Variants in CD72 observed in about 807,000 individuals in gnomAD.
CD72 encodes B-cell differentiation antigen CD72.
Under a neutral mutation model 50.7 loss-of-function variants are expected in CD72, and 28 were observed. The ratio of observed to expected loss-of-function variants is 0.55; its 90% CI spans 0.41 to 0.76. The LOEUF (loss-of-function observed/expected upper bound fraction) is 0.76, where lower values mean the gene tolerates loss of function less well. Ranked by LOEUF, CD72 falls within the 30% of genes least tolerant of loss-of-function variation. The pLI is 0.00. For missense variants in CD72, 403 were observed against 420.6 expected (o/e 0.96, Z 0.37); for synonymous variants, 176 against 171.2 (o/e 1.03, Z -0.22).
intron 6 of CD72, among the ~76,000 whole-genome samples, chr9:35,612,445 C>T (rs1363001907): frequency 2.6e-5 from 4 of 152,040 alleles, no homozygotes; most frequent in Non-Finnish European, 5.9e-5. Context: ...ATTAGCTGGG[C>T]GTGGTGGCAT....
At chr9:35,611,134 C>T (rs958401350) in intron 7 of CD72, among the ~76,000 whole-genome samples, 3 of 152,070 alleles carry the variant, frequency 2.0e-5, no homozygotes, top group Non-Finnish European at 4.4e-5. Context: ...GCCTGTAGTC[C>T]CAGCTGCTGG....
intron 1 of CD72, among the ~76,000 whole-genome samples, chr9:35,638,781 C>A (rs10814261): frequency 0.53 from 79,205 of 150,388 alleles, 21,514 homozygotes; most frequent in Non-Finnish European, 0.6. Context: ...CAGAGCAGTT[C>A]CCCGAGAGGA....
intron 1 of CD72, among the ~76,000 whole-genome samples, chr9:35,633,418 A>G (rs1239637250): frequency 1.3e-5 from 2 of 152,042 alleles, no homozygotes; most frequent in African/African-American, 4.8e-5. Context: ...TGACAGTATA[A>G]TATATGATAC....
At chr9:35,630,350 T>G (rs1823234131) in intron 1 of CD72, among the ~76,000 whole-genome samples, 1 of 152,198 alleles carries the variant, frequency 6.6e-6, no homozygotes, top group Admixed American at 6.5e-5. Flanking sequence ...TAAAGTGAAT[T>G]TCTCTATTTT....
At chr9:35,614,487 G>A (rs1263497381) in intron 5 of CD72, among the ~76,000 whole-genome samples, 1 of 152,156 alleles carries the variant, frequency 6.6e-6, no homozygotes, top group Non-Finnish European at 1.5e-5. Flanking sequence ...TGAAAGAGTG[G>A]AAGATGAGGA....
intron 1 of CD72, among the ~76,000 whole-genome samples, chr9:35,638,977 G>A (rs939385113): frequency 6.6e-6 from 1 of 151,718 alleles, no homozygotes; most frequent in Non-Finnish European, 1.5e-5. Flanking sequence ...GCAACCCTTA[G>A]ACGCTTTACC....
chr9:35,611,515 A>C lies in CD72; in HGVS notation c.950+289T>G, dbSNP rs145509973. Among the ~76,000 whole-genome samples, 6 of 152,294 alleles carry C rather than the reference A, an allele frequency of 3.9e-5. No individual in the cohort carries two copies. In the East Asian group the frequency reaches 1.2e-3, roughly 29 times the overall value. On this transcript the variant is annotated intron_variant, in intron 7 of 8. Coordinates refer to ENST00000259633, the MANE Select transcript of CD72 (RefSeq NM_001782.3). The stretch of plus-strand genomic sequence containing the variant: ...GAAACGCTGCTGTCATCAGCTGTGG[A>C]GCCTTAACTAAATCCTTAATGTCTC...
At chr9:35,621,432 A>C (rs564161176), upstream of CD72, among the ~76,000 whole-genome samples, 11 of 152,088 alleles carry the variant, frequency 7.2e-5, no homozygotes, top group South Asian at 2.3e-3. Context: ...ATCTCCTAAG[A>C]CTCTGAAAGT....
intron 1 of CD72, among the ~76,000 whole-genome samples, chr9:35,626,405 GT>G (rs1285994148): frequency 6.6e-6 from 1 of 152,126 alleles, no homozygotes; most frequent in African/African-American, 2.4e-5. Flanking sequence ...AAAGAAAGTG[GT>G]TTCTTAAGAT....
chr9:35,618,826 C>G (rs1321081935), upstream of CD72: 12 of 1,248,824 alleles, frequency 9.6e-6, no homozygotes, highest in Middle Eastern at 4.3e-4. Context: ...CGCTTCTCAT[C>G]ATCCTGGGGG....
In CD72 at chr9:35,611,230, G is replaced by A. The variant is rs373252286; in HGVS notation, c.951-477C>T. On this transcript the variant is annotated intron_variant, in intron 7 of 8. Transcript: ENST00000259633. ...TGCACCACTGCACTCCAGTCTGGGC[G>A]ACAGAGCGAGACTCCATCTCAAAAA... 1.3e-4 allele frequency among the ~76,000 whole-genome samples: 20 copies of A among 149,544 alleles called. No individual in the cohort carries two copies. In the East Asian group the frequency reaches 3.4e-3, roughly 25 times the overall value.
intron 1 of CD72, among the ~76,000 whole-genome samples, chr9:35,635,824 G>A (rs933899361): frequency 5.3e-5 from 8 of 152,142 alleles, no homozygotes; most frequent in African/African-American, 1.9e-4. Context: ...TCTGCTTGGA[G>A]CCCAGAGGAG....
chr9:35,611,705 A>G, intron 7 of CD72, 99 bp downstream of exon 7: 2 of 673,140 alleles, frequency 3.0e-6, no homozygotes, highest in South Asian at 1.7e-5. Context: ...GATTTATGGG[A>G]GAGTCCTGAG....
chr9:35,631,710 C>T (rs1338549969), intron 1 of CD72, among the ~76,000 whole-genome samples: 1 of 152,088 alleles, frequency 6.6e-6, no homozygotes, highest in Non-Finnish European at 1.5e-5. Flanking sequence ...CTGGCTAACA[C>T]GGTGAAACCC....
chr9:35,612,758 G>T, intron 6 of CD72, 90 bp downstream of exon 6: 1 of 1,223,064 alleles, frequency 8.2e-7, no homozygotes, highest in Non-Finnish European at 1.2e-6. Flanking sequence ...GGCCACCCCA[G>T]CCATGTGTGC....
chr9:35,644,055 A>G (rs1295929196), intron 1 of CD72, among the ~76,000 whole-genome samples: 3 of 151,666 alleles, frequency 2.0e-5, no homozygotes, highest in Non-Finnish European at 4.4e-5. Context: ...AAAAAAAAAA[A>G]AGAAAGAAAG....
chr9:35,612,697 C>G, intron 6 of CD72, 151 bp downstream of exon 6: 1 of 720,914 alleles, frequency 1.4e-6, no homozygotes, highest in Non-Finnish European at 2.3e-6. Flanking sequence ...TGTTTCCAAG[C>G]TCAGAGGTCA....
chr9:35,625,365 T>C (rs1240503896), intron 1 of CD72, among the ~76,000 whole-genome samples: 2 of 152,118 alleles, frequency 1.3e-5, no homozygotes, highest in African/African-American at 2.4e-5. Flanking sequence ...AGACCCTAAC[T>C]CTCTTCAATT....
chr9:35,639,634 C>T (rs1823321629), intron 1 of CD72, among the ~76,000 whole-genome samples: 1 of 152,152 alleles, frequency 6.6e-6, no homozygotes, highest in African/African-American at 2.4e-5. Flanking sequence ...AAAAAGAGGT[C>T]ATCTGTCCTC....
Sources: allele counts gnomAD v4.1 joint callset (sites outside exome capture counted in the v4.1 genomes callset), GRCh38; gene constraint gnomAD v4.1.1; transcripts MANE v1.5; gene names NCBI Gene and HGNC (gene_info 2026-07-23, HGNC 2026-07-21).